ARGLU1: variants seen among roughly 807,000 people sequenced by gnomAD.
ARGLU1 encodes arginine and glutamate rich 1, also known as arginine and glutamate-rich protein 1.
Under a neutral mutation model 37.6 loss-of-function variants are expected in ARGLU1, and 9 were observed. That is an observed-to-expected ratio of 0.24 (90% CI 0.14 to 0.42). The LOEUF is 0.42. Among genes scored for constraint, ARGLU1 ranks in the 10% least tolerant of loss-of-function variants. ARGLU1 has a pLI of 1.00. For synonymous variants in ARGLU1, 166 were observed against 138.5 expected (o/e 1.20, Z -1.39); for missense variants, 211 against 359.2 (o/e 0.59, Z 3.34).
At position 106,543,123 on chromosome 13, in the gene ARGLU1, T is replaced by C. The variant is rs930267884; in HGVS notation, c.*873A>G. The C allele has an allele frequency of 2.0e-5, 3 of 152,150 alleles. No individual in the cohort carries two copies. Among genetic ancestry groups the C allele is most frequent in the South Asian group, 4.1e-4 (2 of 4,836 alleles). 9.4% of individuals were successfully genotyped at this position (152,150 alleles called of 1,614,324 possible). On this transcript the variant is annotated 3_prime_UTR_variant, in exon 4 of 4. Coordinates refer to ENST00000400198, the MANE Select transcript of ARGLU1 (RefSeq NM_018011.4). ...TTCTTAAAGGTAACACTGATGCCAT[T>C]TGCTCTATCAGCATAAAGTTGATAT...
At chr13:106,561,768 A>G (rs938713293) in intron 1 of ARGLU1, 1 of 152,238 alleles carries the variant, frequency 6.6e-6, no homozygotes, top group Non-Finnish European at 1.5e-5. Context: ...CGCAGTGGCT[A>G]ACAGGGCCTC....
chr13:106,565,481 T>C (rs1244634281), intron 1 of ARGLU1, among the ~76,000 whole-genome samples: 1 of 152,256 alleles, frequency 6.6e-6, no homozygotes, highest in Non-Finnish European at 1.5e-5. Flanking sequence ...TATTTAATGA[T>C]CTGTCTTTGA....
chr13:106,553,055 TA>T (rs1413938488), intron 3 of ARGLU1, among the ~76,000 whole-genome samples: 1 of 152,172 alleles, frequency 6.6e-6, no homozygotes, highest in African/African-American at 2.4e-5. Context: ...AAAGGCTACT[TA>T]AAAGTCAAAA....
Position 106,557,201 on chromosome 13 carries a change from T to C in ARGLU1, c.574-70A>G, listed in dbSNP as rs1880683145. On this transcript the variant is annotated intron_variant, in intron 2 of 3. Transcript: ENST00000400198. The surrounding 1 kb of genome is among the most constrained non-coding windows in gnomAD (Gnocchi z 5.0). ...ATTTTTATTGATAAATATTTACTAA[T>C]CTTCCTCTGAACTTTTTTGATATGA... The C allele has an allele frequency of 7.4e-7, 1 of 1,356,880 alleles. No homozygotes were observed. Among genetic ancestry groups the C allele is most frequent in the Non-Finnish European group, 1.0e-6 (1 of 963,318 alleles). The allele number at this position is 1,356,880 out of a possible 1,614,324, so 84.1% of individuals were successfully genotyped here.
intron 3 of ARGLU1, among the ~76,000 whole-genome samples, chr13:106,556,805 G>C (rs567822697): frequency 3.9e-5 from 6 of 152,264 alleles, no homozygotes; most frequent in African/African-American, 1.2e-4. Context: ...ACTGGGGATA[G>C]AGAACAAAAT....
At chr13:106,551,534 G>A (rs912459013) in intron 3 of ARGLU1, among the ~76,000 whole-genome samples, 4 of 152,090 alleles carry the variant, frequency 2.6e-5, no homozygotes, top group African/African-American at 9.7e-5. Context: ...CTCAAAACTG[G>A]AGCCTCTACC....
At chr13:106,560,709 A>G (rs1566474835) in intron 1 of ARGLU1, among the ~76,000 whole-genome samples, 1 of 152,228 alleles carries the variant, frequency 6.6e-6, no homozygotes, top group Non-Finnish European at 1.5e-5. Context: ...TGCTGAATGA[A>G]TAAATTCTGA....
chr13:106,557,426 T>C lies in ARGLU1; in HGVS notation c.574-295A>G. The C allele has an allele frequency of 1.5e-6, 1 of 664,402 alleles. No homozygotes were observed. Among genetic ancestry groups the C allele is most frequent in the African/African-American group, 1.9e-5 (1 of 53,138 alleles). 41.2% of individuals were successfully genotyped at this position (664,402 alleles called of 1,614,324 possible). On this transcript the variant is annotated intron_variant, in intron 2 of 3. Transcript: ENST00000400198. This position sits in a 1 kb window ranked among gnomAD's most constrained non-coding sequence, Gnocchi z 5.0. ...AAATCAACAAGGACAACTACAAAAC[T>C]GGATAGTATTTACCAAATTAAAAAA...
At chr13:106,554,291 T>C (rs1175250600) in intron 3 of ARGLU1, among the ~76,000 whole-genome samples, 2 of 152,226 alleles carry the variant, frequency 1.3e-5, no homozygotes, top group Non-Finnish European at 1.5e-5. Flanking sequence ...AACAGTTACC[T>C]TTGATCACCC....
rs11349875 is a variant in ARGLU1, at chr13:106,543,825, GAA to G, written c.*169_*170del. 39,285 of 402,276 alleles carry G rather than the reference GAA, an allele frequency of 0.098. 20 individuals carry two copies. Among genetic ancestry groups the G allele is most frequent in the Middle Eastern group, 0.14 (219 of 1,562 alleles). The allele number at this position is 402,276 out of a possible 1,614,324, so 24.9% of individuals were successfully genotyped here. On this transcript the variant is annotated 3_prime_UTR_variant, in exon 4 of 4. Coordinates refer to ENST00000400198, the MANE Select transcript of ARGLU1 (RefSeq NM_018011.4). ...TGATAAGGATTTGACTTAGTGGAAG[GAA>G]AAAAAAAAAAAAAAAGGGAATTGCA...
At chr13:106,548,145 T>C (rs1468955990) in intron 3 of ARGLU1, among the ~76,000 whole-genome samples, 1 of 152,188 alleles carries the variant, frequency 6.6e-6, no homozygotes. Context: ...TGTTCTACTA[T>C]GGCTTTAGGC....
In ARGLU1 at chr13:106,567,784, T is replaced by C. The variant is rs1388624134; in HGVS notation, c.136A>G (p.Ser46Gly). ...RVRKRSKSRE[S>G]KRNRRRESRS... Reference sequence around the variant, plus strand: ...GACTCCCGCCGCCGGTTCCGTTTACTTTCCCGAGATTTGGAACGCTTCCGC... The same window carrying C: ...GACTCCCGCCGCCGGTTCCGTTTACCTTCCCGAGATTTGGAACGCTTCCGC... Residue 46 changes from serine to glycine, a missense_variant, in exon 1 of 4, where the codon AGT becomes GGT. Coordinates refer to ENST00000400198, the MANE Select transcript of ARGLU1 (RefSeq NM_018011.4). This position sits in a 1 kb window ranked among gnomAD's most constrained non-coding sequence, Gnocchi z 4.3. 6.2e-7 allele frequency: 1 copy of C among 1,613,418 alleles called. No homozygotes were observed. Among genetic ancestry groups the C allele is most frequent in the East Asian group, 2.2e-5 (1 of 44,776 alleles).
intron 3 of ARGLU1, among the ~76,000 whole-genome samples, chr13:106,552,893 A>G (rs1037964244): frequency 6.6e-6 from 1 of 152,184 alleles, no homozygotes; most frequent in African/African-American, 2.4e-5. Flanking sequence ...GACAAACCAA[A>G]TATCTTGGTA....
intron 3 of ARGLU1, among the ~76,000 whole-genome samples, chr13:106,553,908 G>A (rs545909632): frequency 1.3e-5 from 2 of 152,260 alleles, no homozygotes; most frequent in African/African-American, 4.8e-5. Context: ...AAAGTTGGAT[G>A]GCTGCTACTT....
At chr13:106,562,136 C>T (rs1447899221) in intron 1 of ARGLU1, among the ~76,000 whole-genome samples, 1 of 152,186 alleles carries the variant, frequency 6.6e-6, no homozygotes, top group Non-Finnish European at 1.5e-5. Context: ...TTGCAACAGG[C>T]AGGGTTCAGG....
chr13:106,562,956 A>C (rs1177673496), intron 1 of ARGLU1, among the ~76,000 whole-genome samples: 1 of 138,308 alleles, frequency 7.2e-6, no homozygotes, highest in Non-Finnish European at 1.5e-5. Flanking sequence ...GCACCACTGC[A>C]CTCCAGCCTG....
At chr13:106,554,227 T>C (rs930455561) in intron 3 of ARGLU1, among the ~76,000 whole-genome samples, 1 of 152,240 alleles carries the variant, frequency 6.6e-6, no homozygotes, top group Admixed American at 6.5e-5. Flanking sequence ...TTAAAGCACT[T>C]AATGGCTTGT....
intron 3 of ARGLU1, among the ~76,000 whole-genome samples, chr13:106,555,607 A>C (rs1386695690): frequency 2.6e-5 from 4 of 152,244 alleles, no homozygotes; most frequent in African/African-American, 9.6e-5. Context: ...GGGATTAAAA[A>C]ACAAAAACAG....
chr13:106,552,315 T>A (rs569687881), intron 3 of ARGLU1, among the ~76,000 whole-genome samples: 2 of 152,312 alleles, frequency 1.3e-5, no homozygotes, highest in East Asian at 3.9e-4. Context: ...AACTTGCATA[T>A]ACTTTAAAAC....
Sources: gnomAD v4.1 joint callset for allele counts (sites outside exome capture counted in the v4.1 genomes callset) on GRCh38, gnomAD v4.1.1 for gene constraint, Gnocchi (gnomAD v3.1) non-coding constraint, MANE v1.5 for transcripts, NCBI Gene and HGNC (gene_info 2026-07-23, HGNC 2026-07-21) for gene names.